The following KATNBL1 variants were observed in gnomAD, a reference collection of about 807,000 sequenced individuals.
KATNBL1 encodes katanin regulatory subunit B1 like 1.
A neutral mutation model predicts 44.7 loss-of-function variants in KATNBL1; 28 were observed. The ratio of observed to expected loss-of-function variants is 0.63; its 90% CI spans 0.46 to 0.86. The LOEUF (loss-of-function observed/expected upper bound fraction) is 0.86, where lower values mean the gene tolerates loss of function less well. Among genes scored for constraint, KATNBL1 ranks in the 40% least tolerant of loss-of-function variants. The pLI is 0.00. For synonymous variants in KATNBL1, 78 were observed against 114.9 expected, an observed-to-expected ratio of 0.68 and a Z score of 2.06; for missense variants, 272 against 350.7, an observed-to-expected ratio of 0.78 and a Z score of 1.79.
In KATNBL1 at chr15:34,164,853, A is replaced by G. The variant is rs76203390; in HGVS notation, c.-14-1163T>C. Among the ~76,000 whole-genome samples the G allele has an allele frequency of 5.1e-3, 774 of 152,334 alleles. 9 individuals carry two copies. The highest frequency in any genetic ancestry group is 0.018 in the African/African-American group (729 of 41,582). ...ATTTTTGTGGGCTCTAACTTAAGAG[A>G]CTGTAACTCAGTATAATACTGTCTC... On this transcript the variant is annotated intron_variant, in intron 1 of 9. Transcript: ENST00000256544.
intron 1 of KATNBL1, among the ~76,000 whole-genome samples, chr15:34,164,763 G>A (rs749754293): frequency 6.1e-4 from 93 of 152,316 alleles, no homozygotes; most frequent in African/African-American, 2.1e-3. Flanking sequence ...AGGCCCTGGC[G>A]TTAATGTAGA....
At chr15:34,173,112 GA>G (rs913357563) in intron 1 of KATNBL1, among the ~76,000 whole-genome samples, 39 of 144,132 alleles carry the variant, frequency 2.7e-4, no homozygotes, top group African/African-American at 8.4e-4. Context: ...AACATAGGAA[GA>G]AAAAAAAAAC....
At chr15:34,207,793 T>C (rs1032144270) in intron 1 of KATNBL1, among the ~76,000 whole-genome samples, 1 of 152,062 alleles carries the variant, frequency 6.6e-6, no homozygotes, top group African/African-American at 2.4e-5. Flanking sequence ...TGTAGAGATA[T>C]GGTCTCGCTA....
chr15:34,153,366 C>T (rs1285966536), intron 3 of KATNBL1, among the ~76,000 whole-genome samples: 1 of 152,066 alleles, frequency 6.6e-6, no homozygotes, highest in Non-Finnish European at 1.5e-5. Context: ...GTAAGAAGAC[C>T]ACAACATTTT....
At chr15:34,146,888 A>G (rs1256639523) in intron 7 of KATNBL1, 38 bp from the exon 8 acceptor site, 2 of 1,237,050 alleles carry the variant, frequency 1.6e-6, no homozygotes, top group Non-Finnish European at 1.2e-6. Context: ...AAGTGTTTTC[A>G]TCTAAGAACC....
At chr15:34,204,995 T>C (rs562758966) in intron 1 of KATNBL1, among the ~76,000 whole-genome samples, 2 of 151,954 alleles carry the variant, frequency 1.3e-5, no homozygotes, top group East Asian at 3.9e-4. Context: ...GACAGTTTTT[T>C]TTTTTTTTTT....
chr15:34,197,727 C>A (rs193278840), intron 1 of KATNBL1, among the ~76,000 whole-genome samples: 14 of 152,208 alleles, frequency 9.2e-5, no homozygotes, highest in Non-Finnish European at 1.5e-4. Flanking sequence ...AAAAATATTA[C>A]CTTTTAAATA....
chr15:34,173,402 A>C (rs1889230942), intron 1 of KATNBL1, among the ~76,000 whole-genome samples: 1 of 152,216 alleles, frequency 6.6e-6, no homozygotes, highest in South Asian at 2.1e-4. Flanking sequence ...TGTAAAAATG[A>C]CAGATACAGA....
rs527240386 is a variant in KATNBL1, at chr15:34,149,581, C to T, written c.439-831G>A. Among the ~76,000 whole-genome samples the T allele has an allele frequency of 2.0e-5, 3 of 152,298 alleles. No individual in the cohort carries two copies. The South Asian group carries it at 6.2e-4, about 32-fold the overall frequency. ...CTGGGATTACAGGCACCCAACACAA[C>T]ACCCAACTAATTTTCCTATTTTTAG... On this transcript the variant is annotated intron_variant, in intron 4 of 9. Transcript: ENST00000256544.
intron 9 of KATNBL1, among the ~76,000 whole-genome samples, chr15:34,143,487 T>C (rs1449944346): frequency 6.7e-6 from 1 of 149,974 alleles, no homozygotes; most frequent in Non-Finnish European, 1.5e-5. Flanking sequence ...ACAAAAAAAA[T>C]TCTGATTGAA....
At chr15:34,181,497 T>C (rs1168046497) in intron 1 of KATNBL1, among the ~76,000 whole-genome samples, 1 of 150,336 alleles carries the variant, frequency 6.7e-6, no homozygotes, top group Admixed American at 6.7e-5. Context: ...TAAAAATTAA[T>C]AATTAATTTT....
chr15:34,163,733 G>C (rs1299423370), intron 1 of KATNBL1, 43 bp from the exon 2 acceptor site: 1 of 1,149,562 alleles, frequency 8.7e-7, no homozygotes, highest in Admixed American at 2.6e-5. Context: ...AGCAAAAAGA[G>C]TCTGATCATT....
intron 1 of KATNBL1, among the ~76,000 whole-genome samples, chr15:34,172,998 C>T (rs1567528035): frequency 6.6e-6 from 1 of 150,998 alleles, no homozygotes; most frequent in African/African-American, 2.4e-5. Context: ...AAAAATGGGA[C>T]AAAAAACCCA....
At chr15:34,197,674 T>C (rs566411733) in intron 1 of KATNBL1, among the ~76,000 whole-genome samples, 1 of 152,372 alleles carries the variant, frequency 6.6e-6, no homozygotes, top group South Asian at 2.1e-4. Context: ...AGATTAAGAT[T>C]GAATCGTTGT....
intron 1 of KATNBL1, among the ~76,000 whole-genome samples, chr15:34,171,418 T>C (rs542507241): frequency 6.6e-6 from 1 of 152,256 alleles, no homozygotes; most frequent in South Asian, 2.1e-4. Flanking sequence ...ATGGTGATCA[T>C]TAAAAAGTCA....
chr15:34,204,600 C>A (rs1438920804), intron 1 of KATNBL1, among the ~76,000 whole-genome samples: 2 of 152,190 alleles, frequency 1.3e-5, no homozygotes, highest in East Asian at 3.8e-4. Context: ...TTAAGGAATT[C>A]TTGTCTCTAA....
At chr15:34,143,105 T>A in intron 9 of KATNBL1, 1 of 907,756 alleles carries the variant, frequency 1.1e-6, no homozygotes. Flanking sequence ...CATTGAACTT[T>A]TAATCACTCA....
At chr15:34,208,221 T>A (rs536486009) in intron 1 of KATNBL1, among the ~76,000 whole-genome samples, 9 of 152,218 alleles carry the variant, frequency 5.9e-5, no homozygotes, top group Non-Finnish European at 1.0e-4. Context: ...CTGTATCCAA[T>A]GTGTAGTCTT....
chr15:34,155,730 T>C (rs1888618089), intron 2 of KATNBL1, among the ~76,000 whole-genome samples: 1 of 152,236 alleles, frequency 6.6e-6, no homozygotes, highest in Non-Finnish European at 1.5e-5. Context: ...TAGTAAGCCC[T>C]AATTGCTCAG....
Sources: gnomAD v4.1 joint callset for allele counts (sites outside exome capture counted in the v4.1 genomes callset) on GRCh38, gnomAD v4.1.1 for gene constraint, MANE v1.5 for transcripts, NCBI Gene and HGNC (gene_info 2026-07-23, HGNC 2026-07-21) for gene names.